Variants in RASSF3 observed in about 807,000 individuals in gnomAD.
RASSF3 encodes the protein Ras association domain family member 3, also known as ras association domain-containing protein 3.
Under a neutral mutation model 19.9 loss-of-function variants are expected in RASSF3, and 19 were observed. The observed-to-expected ratio is 0.96, with a 90% CI of 0.67 to 1.40. The LOEUF is 1.40. Ranked by LOEUF, RASSF3 falls within the 40% of genes most tolerant of loss-of-function variation. The pLI is 0.00. For synonymous variants in RASSF3, 110 were observed against 104.2 expected (o/e 1.06, Z -0.34); for missense variants, 306 against 289.8 (o/e 1.06, Z -0.41).
At chr12:64,610,128 C>T (rs1870282605), upstream of RASSF3, among the ~76,000 whole-genome samples, 1 of 152,126 alleles carries the variant, frequency 6.6e-6, no homozygotes, top group South Asian at 2.1e-4. Flanking sequence ...AGAGAAAGTT[C>T]CCCGCTCTGC....
chr12:64,604,978 A>T (rs10784415), intron 2 of RASSF3, among the ~76,000 whole-genome samples: 67,758 of 148,952 alleles, frequency 0.45, 15,753 homozygotes, highest in African/African-American at 0.55. Flanking sequence ...TTTTTAATTT[A>T]TTTTATTTTA....
intron 1 of RASSF3, among the ~76,000 whole-genome samples, chr12:64,650,580 T>C (rs1248099823): frequency 6.6e-6 from 1 of 151,938 alleles, no homozygotes; most frequent in Non-Finnish European, 1.5e-5. Flanking sequence ...CACACCCAGC[T>C]AATTTTTTGT....
chr12:64,638,023 G>A (rs1403732092), intron 1 of RASSF3, among the ~76,000 whole-genome samples: 6 of 151,536 alleles, frequency 4.0e-5, no homozygotes, highest in Non-Finnish European at 8.8e-5. Flanking sequence ...GTAGAGATGG[G>A]GTTTCACCAT....
chr12:64,655,564 C>T (rs775424976), intron 1 of RASSF3, among the ~76,000 whole-genome samples: 21 of 151,718 alleles, frequency 1.4e-4, no homozygotes, highest in African/African-American at 3.6e-4. Context: ...CCTCCTGCCT[C>T]GGCCTCCCAA....
At chr12:64,533,079 T>G (rs1037648876), upstream of RASSF3, among the ~76,000 whole-genome samples, 8 of 152,306 alleles carry the variant, frequency 5.3e-5, no homozygotes, top group Non-Finnish European at 7.4e-5. Context: ...TGACGGTCCC[T>G]GTGAGCAGAG....
rs1464219056 is a variant in RASSF3 at position 64,523,049 on chromosome 12, T to C, written c.169+15720T>C. Among the ~76,000 whole-genome samples the C allele has an allele frequency of 2.0e-5, 3 of 152,200 alleles. No homozygotes were observed. The East Asian group carries it at 5.8e-4, about 29-fold the overall frequency. ...ATGCCAGCGCAAAAGAAGATGCCCA[T>C]ATTTTTTAAAACTGCTGCCCTGTTC... On this transcript the variant is annotated intron_variant, in intron 1 of 5. Coordinates refer to the RASSF3 transcript ENST00000637125.
intron 2 of RASSF3, among the ~76,000 whole-genome samples, chr12:64,600,033 C>CAAAAA (rs34515445): frequency 2.2e-3 from 143 of 63,746 alleles, no homozygotes; most frequent in Non-Finnish European, 3.1e-3. Context: ...GACTCCATCT[C>CAAAAA]AAAAAAAAAA....
At chr12:64,553,512 CA>C in intron 2 of RASSF3, among the ~76,000 whole-genome samples, 1 of 152,020 alleles carries the variant, frequency 6.6e-6, no homozygotes, top group Non-Finnish European at 1.5e-5. Context: ...CATTTGGGGT[CA>C]AAAAACATCT....
intron 2 of RASSF3, among the ~76,000 whole-genome samples, chr12:64,601,182 G>A (rs2136145696): frequency 6.6e-6 from 1 of 152,030 alleles, no homozygotes; most frequent in East Asian, 1.9e-4. Context: ...CCAGCTACTC[G>A]GGAGGCTGAA....
intron 1 of RASSF3, among the ~76,000 whole-genome samples, chr12:64,662,555 T>C (rs139664595): frequency 0.012 from 1,839 of 152,110 alleles, 41 homozygotes; most frequent in African/African-American, 0.042. Flanking sequence ...GGTGACAGAT[T>C]GAGACCCTGT....
At chr12:64,634,762 TAAAAA>T (rs57235286) in intron 1 of RASSF3, among the ~76,000 whole-genome samples, 28,063 of 90,474 alleles carry the variant, frequency 0.31, 3,236 homozygotes, top group Middle Eastern at 0.39. Flanking sequence ...CACCATCTCA[TAAAAA>T]AAAAAAAAAA....
chr12:64,535,221 C>T (rs958321703), intron 1 of RASSF3, among the ~76,000 whole-genome samples: 1 of 151,950 alleles, frequency 6.6e-6, no homozygotes, highest in Non-Finnish European at 1.5e-5. Flanking sequence ...ATTAAAATTA[C>T]ATTTATGGCC....
chr12:64,573,900 C>T (rs1171133019), intron 2 of RASSF3, among the ~76,000 whole-genome samples: 3 of 152,170 alleles, frequency 2.0e-5, no homozygotes, highest in African/African-American at 7.2e-5. Flanking sequence ...ACAGATCACC[C>T]CACAGGCTGC....
intron 1 of RASSF3, among the ~76,000 whole-genome samples, chr12:64,638,287 A>G (rs1348317216): frequency 1.3e-5 from 2 of 152,218 alleles, no homozygotes; most frequent in Non-Finnish European, 2.9e-5. Context: ...GTAATTCTAT[A>G]AAAGTAGTAT....
intron 1 of RASSF3, among the ~76,000 whole-genome samples, chr12:64,631,944 C>A (rs1357627497): frequency 1.3e-5 from 2 of 151,992 alleles, no homozygotes; most frequent in Non-Finnish European, 2.9e-5. Context: ...GAGTGAGGAT[C>A]ATTGAAAGAG....
At chr12:64,691,362 TG>T in intron 3 of RASSF3, 107 bp from the exon 4 acceptor site, 1 of 724,616 alleles carries the variant, frequency 1.4e-6, no homozygotes. Flanking sequence ...ACTTAGAGGC[TG>T]GGGTAACTTG....
intron 1 of RASSF3, among the ~76,000 whole-genome samples, chr12:64,666,930 G>C (rs923288173): frequency 2.0e-5 from 3 of 152,216 alleles, no homozygotes; most frequent in African/African-American, 7.2e-5. Context: ...CTTTTCCCAT[G>C]AAAATTGAGA....
intron 2 of RASSF3, among the ~76,000 whole-genome samples, chr12:64,561,034 A>C (rs1236289643): frequency 1.3e-5 from 2 of 152,212 alleles, no homozygotes; most frequent in South Asian, 4.1e-4. Flanking sequence ...AGTCTGTATT[A>C]GTTGTGCCCT....
intron 1 of RASSF3, among the ~76,000 whole-genome samples, chr12:64,678,967 C>T (rs1873016699): frequency 6.6e-6 from 1 of 152,158 alleles, no homozygotes; most frequent in Admixed American, 6.5e-5. Context: ...GATTTTAGAC[C>T]TAAGTATGTC....
Sources: allele counts gnomAD v4.1 joint callset (sites outside exome capture counted in the v4.1 genomes callset), GRCh38; gene constraint gnomAD v4.1.1; transcripts MANE v1.5; gene names NCBI Gene and HGNC (gene_info 2026-07-23, HGNC 2026-07-21).